The following AMN1 variants were observed in gnomAD, a reference collection of about 807,000 sequenced individuals.
The protein encoded by AMN1 is antagonist of mitotic exit network 1 homolog.
AMN1 carries 20 observed loss-of-function variants against 33.0 expected under a neutral mutation model. That is an observed-to-expected ratio of 0.61 (90% confidence interval 0.43 to 0.88). The LOEUF is 0.88. Ranked by LOEUF, AMN1 falls within the 40% of genes least tolerant of loss-of-function variation. The pLI, the probability that AMN1 is intolerant of heterozygous loss-of-function variation, is 0.00. For synonymous variants in AMN1, 114 were observed against 111.9 expected, an observed-to-expected ratio of 1.02 and a Z score of -0.12; for missense variants, 246 against 307.4, an observed-to-expected ratio of 0.80 and a Z score of 1.49.
chr12:31,698,415 T>C (rs1938834058), intron 3 of AMN1, among the ~76,000 whole-genome samples: 1 of 152,226 alleles, frequency 6.6e-6, no homozygotes, highest in Non-Finnish European at 1.5e-5. Context: ...GCTATGCCTA[T>C]GTGTTCTCTC....
At chr12:31,709,963 A>T (rs1305470874) in intron 1 of AMN1, among the ~76,000 whole-genome samples, 1 of 152,220 alleles carries the variant, frequency 6.6e-6, no homozygotes, top group East Asian at 1.9e-4. Context: ...TACCTCATTT[A>T]TCAAAATGCA....
chr12:31,709,510 G>A, intron 1 of AMN1, 85 bp from the exon 2 acceptor site: 1 of 1,476,336 alleles, frequency 6.8e-7, no homozygotes, highest in Non-Finnish European at 9.1e-7. Context: ...TTAGCACTTA[G>A]CCCTTTCATA....
intron 1 of AMN1, among the ~76,000 whole-genome samples, chr12:31,710,747 C>T (rs1939434898): frequency 1.3e-5 from 2 of 152,120 alleles, no homozygotes; most frequent in Admixed American, 1.3e-4. Context: ...TTTCACAGTA[C>T]GGATGATCTA....
intron 5 of AMN1, among the ~76,000 whole-genome samples, chr12:31,696,317 G>A (rs1430901526): frequency 1.3e-5 from 2 of 149,884 alleles, no homozygotes; most frequent in Non-Finnish European, 3.0e-5. Context: ...TCACTATGTT[G>A]CCAGGCTGGA....
In AMN1 at chr12:31,699,395, CAAAAAAAAAAA is replaced by C. The variant is rs34860207; in HGVS notation, c.317-1449_317-1439del. Among the ~76,000 whole-genome samples, 113 of 36,872 alleles carry C rather than the reference CAAAAAAAAAAA, an allele frequency of 3.1e-3. 1 individual carries two copies. Among genetic ancestry groups the C allele is most frequent in the African/African-American group, 0.012 (106 of 8,566 alleles). 24.2% of individuals were successfully genotyped at this position (36,872 alleles called of 152,430 possible). A position where few individuals can be genotyped will look rare whatever the true frequency, so the allele number is the denominator to read the frequency against. ...TGGGCAATATGGTGAGACTCTGTCTCAAAAAAAAAAAAAAAAAAAAAAAAAAGAAAGAAAAG... is the reference window on the plus strand; with the variant it reads ...TGGGCAATATGGTGAGACTCTGTCTCAAAAAAAAAAAAAAAGAAAGAAAAG... On this transcript the variant is annotated intron_variant, in intron 3 of 6. Coordinates refer to ENST00000281471, the MANE Select transcript of AMN1 (RefSeq NM_001113402.2).
intron 6 of AMN1, among the ~76,000 whole-genome samples, chr12:31,677,255 G>A (rs1937762764): frequency 1.3e-5 from 2 of 152,076 alleles, no homozygotes; most frequent in African/African-American, 2.4e-5. Context: ...AGCCGAGATC[G>A]CGCCACTGCA....
intron 4 of AMN1, 55 bp downstream of exon 4, chr12:31,697,684 GA>G: frequency 6.5e-7 from 1 of 1,543,212 alleles, no homozygotes; most frequent in Non-Finnish European, 9.0e-7. Flanking sequence ...CATTAGTCAT[GA>G]AAATACATTT....
chr12:31,702,509 C>T (rs1162498139), intron 2 of AMN1, among the ~76,000 whole-genome samples: 4 of 151,906 alleles, frequency 2.6e-5, no homozygotes, highest in Non-Finnish European at 5.9e-5. Flanking sequence ...TTGAGGTTGA[C>T]AAATAATAGA....
intron 1 of AMN1, among the ~76,000 whole-genome samples, chr12:31,710,853 T>C (rs1939438949): frequency 6.6e-6 from 1 of 152,186 alleles, no homozygotes; most frequent in Non-Finnish European, 1.5e-5. Context: ...CATATTTCTA[T>C]TAGTAGTGTC....
At chr12:31,672,427 A>C in intron 6 of AMN1, 50 bp from the exon 7 acceptor site, 1 of 1,314,438 alleles carries the variant, frequency 7.6e-7, no homozygotes, top group Non-Finnish European at 1.1e-6. Flanking sequence ...AAAAATGTTT[A>C]ATGTTTCCTC....
chr12:31,728,117 T>C (rs1368472738), intron 1 of AMN1, among the ~76,000 whole-genome samples: 1 of 152,160 alleles, frequency 6.6e-6, no homozygotes, highest in Non-Finnish European at 1.5e-5. Context: ...CACCTCGGCC[T>C]CCCAAGTTTA....
At chr12:31,698,740 A>G (rs1200740278) in intron 3 of AMN1, among the ~76,000 whole-genome samples, 4 of 150,356 alleles carry the variant, frequency 2.7e-5, no homozygotes, top group African/African-American at 9.9e-5. Flanking sequence ...TTAAGAAAGA[A>G]CTTTTTTTTT....
At position 31,687,096 on chromosome 12, in the gene AMN1, G is replaced by T. The variant is rs1176328350; in HGVS notation, c.703+1911C>A. Among the ~76,000 whole-genome samples, 2 of 151,526 alleles carry T rather than the reference G, an allele frequency of 1.3e-5. No individual in the cohort carries two copies. Among genetic ancestry groups the T allele is most frequent in the Admixed American group, 6.6e-5 (1 of 15,182 alleles). On this transcript the variant is annotated intron_variant, in intron 6 of 6. Coordinates refer to ENST00000281471, the MANE Select transcript of AMN1 (RefSeq NM_001113402.2). This position sits in a 1 kb window ranked among gnomAD's most constrained non-coding sequence, Gnocchi z 4.1. ...GGTGATCATGGCTCACTGCAGCTTC[G>T]ACCTCCCAGGCTTAAGTGATCCACC...
At chr12:31,692,081 T>C (rs982595598) in intron 5 of AMN1, among the ~76,000 whole-genome samples, 10 of 150,736 alleles carry the variant, frequency 6.6e-5, no homozygotes, top group African/African-American at 2.2e-4. Flanking sequence ...TTTCACCATG[T>C]TGGTCAGGCT....
intron 5 of AMN1, among the ~76,000 whole-genome samples, chr12:31,695,733 T>C (rs77395919): frequency 0.061 from 9,298 of 151,654 alleles, 606 homozygotes; most frequent in East Asian, 0.17. Flanking sequence ...GTGATCCACC[T>C]GTCTCGGCCT....
chr12:31,680,129 A>G (rs1340001824), intron 6 of AMN1, among the ~76,000 whole-genome samples: 1 of 151,854 alleles, frequency 6.6e-6, no homozygotes, highest in Admixed American at 6.6e-5. Context: ...TCTCAAAAAA[A>G]AAAAAAAGAT....
rs111791140 is a variant in AMN1, at chr12:31,706,038, C to T, written c.171+3255G>A. On this transcript the variant is annotated intron_variant, in intron 2 of 6. Coordinates refer to ENST00000281471, the MANE Select transcript of AMN1 (RefSeq NM_001113402.2). The stretch of plus-strand genomic sequence containing the variant: ...AATAAATCTGCCTTTCTTGGCCGGG[C>T]GCGGTGGCTCACGCCTGTAATCCCA... Among the ~76,000 whole-genome samples, 135 of 152,136 alleles carry T rather than the reference C, an allele frequency of 8.9e-4. 3 individuals carry two copies. In the East Asian group the frequency reaches 0.019, roughly 21 times the overall value.
At chr12:31,680,765 A>G (rs1937973259) in intron 6 of AMN1, among the ~76,000 whole-genome samples, 1 of 152,236 alleles carries the variant, frequency 6.6e-6, no homozygotes, top group Admixed American at 6.5e-5. Context: ...ATAATTGCAC[A>G]TGCATATGCA....
intron 6 of AMN1, among the ~76,000 whole-genome samples, chr12:31,682,966 T>A (rs1014666721): frequency 1.7e-4 from 26 of 149,912 alleles, no homozygotes; most frequent in African/African-American, 6.1e-4. Context: ...TGCTATTCTT[T>A]TTTTTTTTTT....
Sources: allele counts gnomAD v4.1 joint callset (sites outside exome capture counted in the v4.1 genomes callset), GRCh38; gene constraint gnomAD v4.1.1; non-coding constraint Gnocchi (gnomAD v3.1); transcripts MANE v1.5; gene names NCBI Gene and HGNC (gene_info 2026-07-23, HGNC 2026-07-21).